UBASH3B: variants seen among roughly 807,000 people sequenced by gnomAD.
UBASH3B encodes the protein ubiquitin associated and SH3 domain containing B, also known as ubiquitin-associated and SH3 domain-containing protein B.
In UBASH3B, 37 loss-of-function variants were observed where a neutral mutation model predicts 83.4. That is an observed-to-expected ratio of 0.44 (90% CI 0.34 to 0.58). UBASH3B has a LOEUF of 0.58. Ranked by LOEUF, UBASH3B falls within the 20% of genes least tolerant of loss-of-function variation. The pLI, the probability that UBASH3B is intolerant of heterozygous loss-of-function variation, is 0.01. For missense variants in UBASH3B, 657 were observed against 827.2 expected (o/e 0.79, Z 2.52); for synonymous variants, 304 against 318.3 (o/e 0.96, Z 0.48).
rs57353103 is a variant in UBASH3B, at chr11:122,774,341, C to T, written c.162-1878C>T. On this transcript the variant is annotated intron_variant, in intron 1 of 13. Coordinates refer to ENST00000284273, the MANE Select transcript of UBASH3B (RefSeq NM_032873.5). ...TTATCCTGATCATTTGGTATCTGTGCGCAGACTTTCATAGGGGAAGGGGAT... is the reference window on the plus strand; with the variant it reads ...TTATCCTGATCATTTGGTATCTGTGTGCAGACTTTCATAGGGGAAGGGGAT... 5 of 976,118 alleles carry T rather than the reference C, an allele frequency of 5.1e-6. No individual in the cohort carries two copies. In the South Asian group the frequency reaches 1.4e-4, roughly 28 times the overall value. 60.5% of individuals were successfully genotyped at this position (976,118 alleles called of 1,614,324 possible).
intron 1 of UBASH3B, among the ~76,000 whole-genome samples, chr11:122,743,244 C>T (rs910088443): frequency 6.6e-6 from 1 of 152,168 alleles, no homozygotes; most frequent in African/African-American, 2.4e-5. Context: ...GAGGCAGGGT[C>T]TTGCTATGTT....
intron 1 of UBASH3B, among the ~76,000 whole-genome samples, chr11:122,683,481 G>T (rs1325754364): frequency 6.6e-6 from 1 of 151,810 alleles, no homozygotes; most frequent in Non-Finnish European, 1.5e-5. Context: ...CGGGCGTGGT[G>T]GCGCACGCCT....
chr11:122,681,910 T>A (rs1180276330), intron 1 of UBASH3B, among the ~76,000 whole-genome samples: 1 of 152,202 alleles, frequency 6.6e-6, no homozygotes, highest in Non-Finnish European at 1.5e-5. Context: ...CGATCCACGA[T>A]GCTCTGCCTG....
At chr11:122,717,679 C>A (rs927808229) in intron 1 of UBASH3B, among the ~76,000 whole-genome samples, 3 of 152,210 alleles carry the variant, frequency 2.0e-5, no homozygotes, top group African/African-American at 7.2e-5. Flanking sequence ...GATATCACCA[C>A]AGGTGCCTTC....
intron 1 of UBASH3B, among the ~76,000 whole-genome samples, chr11:122,761,801 T>G (rs1242052986): frequency 8.2e-6 from 1 of 121,490 alleles, no homozygotes; most frequent in Non-Finnish European, 1.7e-5. Flanking sequence ...TTTTTTTTTT[T>G]TTTTTTTTTG....
At chr11:122,771,925 A>C (rs1860652563) in intron 1 of UBASH3B, among the ~76,000 whole-genome samples, 1 of 152,128 alleles carries the variant, frequency 6.6e-6, no homozygotes, top group Non-Finnish European at 1.5e-5. Context: ...TGCCTGTTCC[A>C]CATTGATTTT....
chr11:122,656,324 G>A (rs1179783376), intron 1 of UBASH3B, 114 bp downstream of exon 1: 2 of 1,105,072 alleles, frequency 1.8e-6, no homozygotes, highest in Admixed American at 8.7e-5. Flanking sequence ...GCTCCCCGCT[G>A]CCCGAGACCT....
intron 6 of UBASH3B, among the ~76,000 whole-genome samples, chr11:122,793,961 A>G (rs1162318486): frequency 6.6e-6 from 1 of 152,178 alleles, no homozygotes; most frequent in African/African-American, 2.4e-5. Context: ...AATACCCCCC[A>G]TCACTCTTCA....
rs1194183455 is a variant in UBASH3B, at chr11:122,813,125, T to G, written c.*3239T>G. The G allele has an allele frequency of 3.3e-5, 5 of 152,508 alleles. No homozygotes were observed. Among genetic ancestry groups the G allele is most frequent in the Non-Finnish European group, 7.3e-5 (5 of 68,050 alleles). 9.4% of individuals were successfully genotyped at this position (152,508 alleles called of 1,614,324 possible). A position where few individuals can be genotyped will look rare whatever the true frequency, so the allele number is the denominator to read the frequency against. On this transcript the variant is annotated 3_prime_UTR_variant, in exon 14 of 14. Coordinates refer to ENST00000284273, the MANE Select transcript of UBASH3B (RefSeq NM_032873.5). ...AAAAATAAAAAATAAAAAATATGCCTTCTGGAGTGATGTCTGTTTGGTAAA... is the reference window on the plus strand; with the variant it reads ...AAAAATAAAAAATAAAAAATATGCCGTCTGGAGTGATGTCTGTTTGGTAAA...
rs1409770751 is a variant in UBASH3B, at chr11:122,758,943, T to C, written c.162-17276T>C. On this transcript the variant is annotated intron_variant, in intron 1 of 13. Transcript: ENST00000284273. The surrounding 1 kb of genome is among the most constrained non-coding windows in gnomAD (Gnocchi z 4.2). ...TCCTATTTCACTCTTCCTGAAAAGC[T>C]AGGTGTTTTCACTTTTTATGACTCA... Among the ~76,000 whole-genome samples the C allele has an allele frequency of 6.6e-6, 1 of 152,216 alleles. No individual in the cohort carries two copies. Among genetic ancestry groups the C allele is most frequent in the African/African-American group, 2.4e-5 (1 of 41,448 alleles).
chr11:122,688,628 T>TTATTTTATTC (rs1863840691), intron 1 of UBASH3B, among the ~76,000 whole-genome samples: 1 of 79,860 alleles, frequency 1.3e-5, no homozygotes, highest in African/African-American at 3.2e-5. Flanking sequence ...TTTCTTTCTT[T>TTATTTTATTC]TATTTTATTT....
chr11:122,796,372 G>A, intron 8 of UBASH3B, 96 bp downstream of exon 8: 1 of 1,535,726 alleles, frequency 6.5e-7, no homozygotes, highest in African/African-American at 1.4e-5. Flanking sequence ...GTCATTCATA[G>A]TTTTGCGTAC....
At chr11:122,701,164 T>G (rs528278955) in intron 1 of UBASH3B, among the ~76,000 whole-genome samples, 3 of 152,364 alleles carry the variant, frequency 2.0e-5, no homozygotes, top group Admixed American at 2.0e-4. Flanking sequence ...TCTTGGCTTC[T>G]TTGTCCAAGA....
chr11:122,750,100 C>T (rs1207040922), intron 1 of UBASH3B, among the ~76,000 whole-genome samples: 1 of 152,186 alleles, frequency 6.6e-6, no homozygotes, highest in African/African-American at 2.4e-5. Context: ...TCTTCAAATC[C>T]TGCTGATAAA....
intron 1 of UBASH3B, among the ~76,000 whole-genome samples, chr11:122,736,398 G>T (rs963070638): frequency 1.3e-5 from 2 of 151,914 alleles, no homozygotes; most frequent in African/African-American, 4.8e-5. Context: ...AGAAGTTAAG[G>T]CATGCAGAAG....
intron 9 of UBASH3B, among the ~76,000 whole-genome samples, chr11:122,798,709 C>CAAAA (rs11433996): frequency 4.2e-5 from 5 of 118,498 alleles, no homozygotes; most frequent in African/African-American, 1.2e-4. Context: ...GACTCCATCT[C>CAAAA]AAAAAAAAAA....
At chr11:122,697,086 G>A (rs112928599) in intron 1 of UBASH3B, among the ~76,000 whole-genome samples, 1 of 152,260 alleles carries the variant, frequency 6.6e-6, no homozygotes, top group African/African-American at 2.4e-5. Flanking sequence ...GCAGCCATTT[G>A]ATTTTGAAGA....
chr11:122,771,103 G>A (rs572520764), intron 1 of UBASH3B, among the ~76,000 whole-genome samples: 90 of 152,276 alleles, frequency 5.9e-4, no homozygotes, highest in African/African-American at 2.0e-3. Context: ...TTTGGCCCTA[G>A]CATTACCAAG....
chr11:122,693,648 G>A (rs937360795), intron 1 of UBASH3B, among the ~76,000 whole-genome samples: 20 of 152,060 alleles, frequency 1.3e-4, no homozygotes, highest in Non-Finnish European at 2.6e-4. Flanking sequence ...TGAGGTGGGC[G>A]GATCACTTGA....
Sources: allele counts gnomAD v4.1 joint callset (sites outside exome capture counted in the v4.1 genomes callset), GRCh38; gene constraint gnomAD v4.1.1; non-coding constraint Gnocchi (gnomAD v3.1); transcripts MANE v1.5; gene names NCBI Gene and HGNC (gene_info 2026-07-23, HGNC 2026-07-21).